Variants in AGBL4 observed in about 807,000 individuals in gnomAD.
The protein encoded by AGBL4 is AGBL carboxypeptidase 4.
In AGBL4, 58 loss-of-function variants were observed where a neutral mutation model predicts 66.4. That is an observed-to-expected ratio of 0.87 (90% CI 0.71 to 1.09). AGBL4 has a LOEUF of 1.09. Among genes scored for constraint, AGBL4 ranks in the 50% least tolerant of loss-of-function variants. The pLI is 0.00. For synonymous variants in AGBL4, 234 were observed against 222.9 expected (o/e 1.05, Z -0.44); for missense variants, 579 against 631.0 (o/e 0.92, Z 0.88).
intron 5 of AGBL4, among the ~76,000 whole-genome samples, chr1:48,924,263 C>T (rs903300829): frequency 4.0e-5 from 6 of 150,834 alleles, no homozygotes; most frequent in Non-Finnish European, 7.4e-5. Context: ...TACACATGTA[C>T]CTGCTGAATC....
At chr1:49,938,495 A>G (rs1347966338) in intron 1 of AGBL4, among the ~76,000 whole-genome samples, 1 of 152,244 alleles carries the variant, frequency 6.6e-6, no homozygotes, top group Non-Finnish European at 1.5e-5. Context: ...AACTCATTTT[A>G]TGAGGACAGC....
At chr1:48,882,868 C>T (rs1270176476) in intron 5 of AGBL4, among the ~76,000 whole-genome samples, 1 of 152,126 alleles carries the variant, frequency 6.6e-6, no homozygotes, top group Non-Finnish European at 1.5e-5. Context: ...TCATATAGTA[C>T]TTGTATTTCT....
chr1:48,670,076 C>T (rs756226558), intron 6 of AGBL4, among the ~76,000 whole-genome samples: 1 of 152,148 alleles, frequency 6.6e-6, no homozygotes, highest in Non-Finnish European at 1.5e-5. Flanking sequence ...AAGAAATACT[C>T]CTGAAAAAAA....
chr1:48,871,606 T>C (rs753750531), intron 5 of AGBL4, among the ~76,000 whole-genome samples: 1 of 152,026 alleles, frequency 6.6e-6, no homozygotes, highest in African/African-American at 2.4e-5. Context: ...ATAAACATGG[T>C]GCCCCATGGA....
intron 6 of AGBL4, among the ~76,000 whole-genome samples, chr1:48,731,408 A>G (rs1648106449): frequency 6.6e-6 from 1 of 152,146 alleles, no homozygotes; most frequent in Non-Finnish European, 1.5e-5. Flanking sequence ...CTTCTCATTC[A>G]CGTACAAGGC....
chr1:48,736,223 C>T lies in AGBL4; in HGVS notation c.635-72982G>A. 2 of 1,607,172 alleles carry T rather than the reference C, an allele frequency of 1.2e-6. No homozygotes were observed. Among genetic ancestry groups the T allele is most frequent in the Non-Finnish European group, 1.7e-6 (2 of 1,173,760 alleles). On this transcript the variant is annotated intron_variant, in intron 6 of 13. Transcript: ENST00000371839. The surrounding 1 kb of genome is among the most constrained non-coding windows in gnomAD (Gnocchi z 4.0). ...AGACAGAATCCCAGCCATTGTGTTT[C>T]CACTCAGTGACCTACCTCTGACGAT... is the stretch of plus-strand genomic sequence containing the variant.
chr1:48,969,620 TTCCTTCC>T (rs1658746103), intron 5 of AGBL4, among the ~76,000 whole-genome samples: 1 of 152,026 alleles, frequency 6.6e-6, no homozygotes, highest in Non-Finnish European at 1.5e-5. Context: ...TCTCTCTCCC[TTCCTTCC>T]TTCTTTCCTT....
chr1:48,533,985 G>T lies in AGBL4; in HGVS notation c.*188C>A. On this transcript the variant is annotated 3_prime_UTR_variant, in exon 14 of 14. Transcript: ENST00000371839. The stretch of plus-strand genomic sequence containing the variant: ...TGTTCCTGAGCTTTTTGAGCTGAAG[G>T]CTTACAATTGATTTTCCATTGGAAA... 5 of 926,552 alleles carry T rather than the reference G, an allele frequency of 5.4e-6. No homozygotes were observed. Among genetic ancestry groups the T allele is most frequent in the Non-Finnish European group, 8.2e-6 (5 of 609,662 alleles). 57.4% of individuals were successfully genotyped at this position (926,552 alleles called of 1,614,324 possible).
At chr1:49,086,020 C>A (rs1644901023) in intron 4 of AGBL4, among the ~76,000 whole-genome samples, 1 of 152,162 alleles carries the variant, frequency 6.6e-6, no homozygotes, top group Non-Finnish European at 1.5e-5. Flanking sequence ...TTGGTGCCAG[C>A]CTCCAGCCCC....
At chr1:49,480,468 AC>A (rs1253738496) in intron 3 of AGBL4, among the ~76,000 whole-genome samples, 4 of 148,940 alleles carry the variant, frequency 2.7e-5, no homozygotes, top group Admixed American at 6.7e-5. Context: ...TCCTTTGCCC[AC>A]TTTTTAATGG....
intron 5 of AGBL4, among the ~76,000 whole-genome samples, chr1:48,920,128 A>G (rs1468756781): frequency 2.0e-5 from 3 of 152,216 alleles, no homozygotes; most frequent in Non-Finnish European, 4.4e-5. Context: ...CTGTCACCCT[A>G]TGCAATCATA....
At chr1:49,800,511 C>T (rs1400875742) in intron 2 of AGBL4, among the ~76,000 whole-genome samples, 1 of 104,248 alleles carries the variant, frequency 9.6e-6, no homozygotes, top group African/African-American at 3.7e-5. Flanking sequence ...GCTATCCCTC[C>T]CCCCTCCCCC....
At chr1:49,077,529 G>A (rs1438121628) in intron 4 of AGBL4, among the ~76,000 whole-genome samples, 2 of 152,058 alleles carry the variant, frequency 1.3e-5, no homozygotes, top group South Asian at 4.1e-4. Flanking sequence ...AGTAGATTTG[G>A]AAAAATAAAT....
intron 3 of AGBL4, among the ~76,000 whole-genome samples, chr1:49,402,369 C>T (rs1645104011): frequency 6.6e-6 from 1 of 152,088 alleles, no homozygotes; most frequent in African/African-American, 2.4e-5. Flanking sequence ...TTTTGGTATA[C>T]TGTGTTTGCA....
At chr1:50,004,280 G>C (rs531525309) in intron 1 of AGBL4, among the ~76,000 whole-genome samples, 2 of 152,134 alleles carry the variant, frequency 1.3e-5, no homozygotes, top group African/African-American at 4.8e-5. Flanking sequence ...CATCCCAGTG[G>C]TTAGAACCTG....
intron 1 of AGBL4, among the ~76,000 whole-genome samples, chr1:49,935,563 C>A (rs557913690): frequency 5.9e-5 from 9 of 152,280 alleles, no homozygotes; most frequent in Middle Eastern, 3.4e-3. Flanking sequence ...GACCCCTGAG[C>A]AGCCTAACTG....
At chr1:49,233,835 T>G (rs1650513478) in intron 4 of AGBL4, among the ~76,000 whole-genome samples, 1 of 152,242 alleles carries the variant, frequency 6.6e-6, no homozygotes, top group Admixed American at 6.5e-5. Flanking sequence ...TGTTCTCCAC[T>G]TCTTCCTGCA....
At chr1:49,367,407 C>T (rs1391785778) in intron 3 of AGBL4, among the ~76,000 whole-genome samples, 1 of 152,218 alleles carries the variant, frequency 6.6e-6, no homozygotes, top group African/African-American at 2.4e-5. Flanking sequence ...ACTGGCTTCT[C>T]TTGCCATCTG....
chr1:48,635,363 C>G (rs1645651637), intron 8 of AGBL4, among the ~76,000 whole-genome samples: 1 of 152,210 alleles, frequency 6.6e-6, no homozygotes, highest in African/African-American at 2.4e-5. Flanking sequence ...ACTGGGAGAA[C>G]CCCATTTCTT....
Sources: gnomAD v4.1 joint callset for allele counts (sites outside exome capture counted in the v4.1 genomes callset) on GRCh38, gnomAD v4.1.1 for gene constraint, Gnocchi (gnomAD v3.1) non-coding constraint, MANE v1.5 for transcripts, NCBI Gene and HGNC (gene_info 2026-07-23, HGNC 2026-07-21) for gene names.